The following ZNF366 variants were observed in gnomAD, a reference collection of about 807,000 sequenced individuals.
ZNF366 encodes dendritic cell-specific transcript protein.
In ZNF366, 20 loss-of-function variants were observed where a neutral mutation model predicts 47.2. That is an observed-to-expected ratio of 0.42 (90% CI 0.30 to 0.62). The LOEUF is 0.62. ZNF366 is among the 20% of genes least tolerant of loss of function. The pLI, the probability that ZNF366 is intolerant of heterozygous loss-of-function variation, is 0.16. For missense variants in ZNF366, 987 were observed against 976.3 expected, an observed-to-expected ratio of 1.01 and a Z score of -0.15; for synonymous variants, 421 against 395.1, an observed-to-expected ratio of 1.07 and a Z score of -0.78.
intron 1 of ZNF366, among the ~76,000 whole-genome samples, chr5:72,465,913 G>A (rs1743420722): frequency 6.6e-6 from 1 of 152,204 alleles, no homozygotes; most frequent in African/African-American, 2.4e-5. Context: ...TGAAATGGGA[G>A]TTAGGATATC....
At chr5:72,503,759 A>G (rs1224261130) in intron 1 of ZNF366, among the ~76,000 whole-genome samples, 1 of 152,268 alleles carries the variant, frequency 6.6e-6, no homozygotes, top group Non-Finnish European at 1.5e-5. Context: ...ACGTTAGTGC[A>G]GAACAACTCA....
At chr5:72,484,967 T>C (rs910322655) in intron 1 of ZNF366, among the ~76,000 whole-genome samples, 39 of 152,224 alleles carry the variant, frequency 2.6e-4, no homozygotes, top group Non-Finnish European at 5.3e-4. Context: ...TTAAAATGTG[T>C]GTGGCTTGAT....
chr5:72,479,167 T>C (rs1483543381), intron 1 of ZNF366, among the ~76,000 whole-genome samples: 1 of 152,184 alleles, frequency 6.6e-6, no homozygotes, highest in Non-Finnish European at 1.5e-5. Context: ...CTCCAACTCA[T>C]AGGTAGAGAT....
rs148467804 is a variant in ZNF366 at position 72,496,273 on chromosome 5, C to T, written c.-15+10978G>A. Among the ~76,000 whole-genome samples, 63 of 152,200 alleles carry T rather than the reference C, an allele frequency of 4.1e-4. 2 individuals carry two copies. Among genetic ancestry groups the T allele is most frequent in the African/African-American group, 1.3e-3 (56 of 41,538 alleles). On this transcript the variant is annotated intron_variant, in intron 1 of 4. Coordinates refer to ENST00000318442, the MANE Select transcript of ZNF366 (RefSeq NM_152625.3). Reference sequence around the variant, plus strand: ...AAGTTCCATTATGTCCATTAGCAGCCGATCTTGCTCCCACCCCTGGCCCCA... The same window carrying T: ...AAGTTCCATTATGTCCATTAGCAGCTGATCTTGCTCCCACCCCTGGCCCCA...
chr5:72,499,518 T>C (rs1028693105), intron 1 of ZNF366, among the ~76,000 whole-genome samples: 1 of 142,322 alleles, frequency 7.0e-6, no homozygotes, highest in Non-Finnish European at 1.5e-5. Context: ...GGAGTCTCGC[T>C]CTGTCACCAA....
chr5:72,471,052 C>A (rs148901725), intron 1 of ZNF366, among the ~76,000 whole-genome samples: 10 of 152,266 alleles, frequency 6.6e-5, no homozygotes, highest in Admixed American at 3.9e-4. Flanking sequence ...TAAAACACAC[C>A]CACATTCCTG....
chr5:72,453,194 T>G (rs1743110148), intron 3 of ZNF366, among the ~76,000 whole-genome samples: 1 of 152,154 alleles, frequency 6.6e-6, no homozygotes, highest in Non-Finnish European at 1.5e-5. Context: ...GGAGGAAGGA[T>G]GCATGTTAAG....
At chr5:72,489,307 T>C (rs1330285603) in intron 1 of ZNF366, among the ~76,000 whole-genome samples, 1 of 152,254 alleles carries the variant, frequency 6.6e-6, no homozygotes, top group African/African-American at 2.4e-5. Context: ...AGATAACAGT[T>C]ACTCTGTCAG....
chr5:72,502,804 A>G (rs866698785), intron 1 of ZNF366, among the ~76,000 whole-genome samples: 6 of 152,330 alleles, frequency 3.9e-5, no homozygotes, highest in Middle Eastern at 3.4e-3. Context: ...TCTAAGATGC[A>G]AATAATATAG....
chr5:72,497,339 G>T (rs1744135456), intron 1 of ZNF366, among the ~76,000 whole-genome samples: 1 of 152,148 alleles, frequency 6.6e-6, no homozygotes, highest in South Asian at 2.1e-4. Context: ...AAGAGCCAAA[G>T]TTCATTTTTT....
At chr5:72,468,367 A>G (rs778522428) in intron 1 of ZNF366, among the ~76,000 whole-genome samples, 10 of 152,186 alleles carry the variant, frequency 6.6e-5, no homozygotes, top group Admixed American at 1.3e-4. Context: ...ATTTTGTTAT[A>G]AAAATAATCT....
chr5:72,488,186 T>C (rs1743930181), intron 1 of ZNF366, among the ~76,000 whole-genome samples: 1 of 149,696 alleles, frequency 6.7e-6, no homozygotes, highest in Non-Finnish European at 1.5e-5. Context: ...CCAGCCTGGG[T>C]AACGACAGAG....
intron 2 of ZNF366, among the ~76,000 whole-genome samples, chr5:72,458,249 C>T (rs1014049403): frequency 6.6e-6 from 1 of 152,098 alleles, no homozygotes; most frequent in Non-Finnish European, 1.5e-5. Context: ...ATCTCCTGAC[C>T]TTGTGATCCG....
In ZNF366 at chr5:72,460,742, C is replaced by T. The variant is rs1743289228; in HGVS notation, c.755G>A (p.Arg252His). ...CTTCTCGCAGGTGGGGCACTGCCAG[C>T]GCTTCTGCGAGCCGCCCACGTCCAC... The part of the protein sequence containing the change: ...YYVDVGGSQK[R>H]WQCPTCEKSY... Residue 252 changes from arginine to histidine, a missense_variant, in exon 2 of 5, where the codon CGC becomes CAC. Around this residue, in one of 3 missense-constraint regions of ZNF366, gnomAD observed 591 missense variants for 560.9 expected, o/e 1.05. Transcript: ENST00000318442. 6 of 1,614,188 alleles carry T rather than the reference C, an allele frequency of 3.7e-6. No individual in the cohort carries two copies. Among genetic ancestry groups the T allele is most frequent in the African/African-American group, 2.7e-5 (2 of 75,042 alleles).
At chr5:72,472,979 C>A (rs1040344737) in intron 1 of ZNF366, among the ~76,000 whole-genome samples, 1 of 152,204 alleles carries the variant, frequency 6.6e-6, no homozygotes, top group African/African-American at 2.4e-5. Flanking sequence ...GGAGCTTCCT[C>A]ATGGGGTATT....
At chr5:72,444,350 G>A (rs1341670974) in intron 4 of ZNF366, 59 bp from the exon 5 acceptor site, 2 of 1,539,014 alleles carry the variant, frequency 1.3e-6, no homozygotes, top group African/African-American at 2.8e-5. Flanking sequence ...ATGGGACCTT[G>A]AGGAAGGGGA....
At chr5:72,454,659 T>A (rs964084562) in intron 3 of ZNF366, among the ~76,000 whole-genome samples, 2 of 152,226 alleles carry the variant, frequency 1.3e-5, no homozygotes, top group African/African-American at 2.4e-5. Flanking sequence ...TATCAGTTGA[T>A]AAGATTAAAA....
chr5:72,506,310 T>C (rs952821557), intron 1 of ZNF366, among the ~76,000 whole-genome samples: 2 of 152,240 alleles, frequency 1.3e-5, no homozygotes, highest in Non-Finnish European at 2.9e-5. Context: ...TTTGACAACA[T>C]GATTTCGGCT....
At chr5:72,492,479 A>AAAC (rs761552660) in intron 1 of ZNF366, among the ~76,000 whole-genome samples, 29 of 152,272 alleles carry the variant, frequency 1.9e-4, no homozygotes, top group Admixed American at 1.4e-3. Flanking sequence ...ATAAACAAAC[A>AAAC]AACAACAACA....
Sources: gnomAD v4.1 joint callset for allele counts (sites outside exome capture counted in the v4.1 genomes callset) on GRCh38, gnomAD v4.1.1 for gene constraint, gnomAD v4.1.1 regional missense constraint, MANE v1.5 for transcripts, NCBI Gene and HGNC (gene_info 2026-07-23, HGNC 2026-07-21) for gene names.